HIVEP3: variants seen among roughly 807,000 people sequenced by gnomAD.
HIVEP3 encodes transcription factor HIVEP3.
HIVEP3 carries 49 observed loss-of-function variants against 152.8 expected under a neutral mutation model. The observed-to-expected ratio is 0.32, with a 90% CI of 0.26 to 0.41. HIVEP3 has a LOEUF of 0.41. HIVEP3 is among the 10% of genes least tolerant of loss of function. The pLI, the probability that HIVEP3 is intolerant of heterozygous loss-of-function variation, is 1.00. For synonymous variants in HIVEP3, 1,269 were observed against 1,289.0 expected (o/e 0.98, Z 0.33); for missense variants, 2,790 against 3,103.3 (o/e 0.90, Z 2.40).
intron 1 of HIVEP3, among the ~76,000 whole-genome samples, chr1:42,032,160 C>T (rs1025194373): frequency 6.6e-6 from 1 of 152,254 alleles, no homozygotes; most frequent in Non-Finnish European, 1.5e-5. Flanking sequence ...CCCGGCCCAA[C>T]TCCAAACAGT....
At chr1:41,739,048 C>T (rs540455327) in intron 1 of HIVEP3, among the ~76,000 whole-genome samples, 150 of 152,372 alleles carry the variant, frequency 9.8e-4, no homozygotes, top group African/African-American at 3.0e-3. Flanking sequence ...ATTCCCTCGG[C>T]CACCCACTGC....
chr1:41,765,292 T>G (rs1313606633), intron 1 of HIVEP3, among the ~76,000 whole-genome samples: 1 of 152,234 alleles, frequency 6.6e-6, no homozygotes, highest in Admixed American at 6.5e-5. Flanking sequence ...CCTTGGCCTA[T>G]GACTTTGTTC....
At chr1:41,527,275 ACACACCCTCACATACACCCT>A (rs1199073452) in intron 5 of HIVEP3, among the ~76,000 whole-genome samples, 1 of 82,778 alleles carries the variant, frequency 1.2e-5, no homozygotes, top group African/African-American at 5.3e-5. Context: ...GCTCACCCTC[ACACACCCTCACATACACCCT>A]CACACCCTCA....
At chr1:41,759,538 A>G (rs1647530336) in intron 1 of HIVEP3, among the ~76,000 whole-genome samples, 1 of 152,162 alleles carries the variant, frequency 6.6e-6, no homozygotes, top group South Asian at 2.1e-4. Context: ...TCTATTTTCA[A>G]ATCTTTGGGG....
chr1:41,527,023 TCACCCCC>T (rs1642974862), intron 5 of HIVEP3, among the ~76,000 whole-genome samples: 2 of 12,246 alleles, frequency 1.6e-4, no homozygotes, highest in East Asian at 2.4e-3. Flanking sequence ...ACCCCCACAC[TCACCCCC>T]CACCCTCACA....
chr1:41,735,452 T>C (rs897295137), intron 1 of HIVEP3, among the ~76,000 whole-genome samples: 1 of 152,242 alleles, frequency 6.6e-6, no homozygotes, highest in Admixed American at 6.5e-5. Flanking sequence ...GTGGGGAAAA[T>C]GAGCCACAAC....
rs761451723 is a variant in HIVEP3, at chr1:41,583,722, G to A, written c.1076C>T (p.Thr359Met). The A allele has an allele frequency of 8.7e-6, 14 of 1,608,160 alleles. No individual in the cohort carries two copies. The highest frequency in any genetic ancestry group is 2.2e-5 in the South Asian group (2 of 89,818). Residue 359 changes from threonine (T) to methionine (M), a missense_variant, in exon 4 of 9, where the codon ACG becomes ATG. Around this residue, in one of 9 missense-constraint regions of HIVEP3, gnomAD observed 134 missense variants for 242.5 expected, o/e 0.55. Coordinates refer to ENST00000372583, the MANE Select transcript of HIVEP3 (RefSeq NM_024503.5). The surrounding 1 kb of genome is among the most constrained non-coding windows in gnomAD (Gnocchi z 6.9). ...PLSHKPEDTH[T>M]IKQKLALRLS... ...GCGGAGGGCCAGCTTCTGCTTAATCGTGTGGGTGTCTTCAGGTTTATGGCT... is the reference window on the plus strand; with the variant it reads ...GCGGAGGGCCAGCTTCTGCTTAATCATGTGGGTGTCTTCAGGTTTATGGCT...
At chr1:41,904,392 G>A (rs916302824) in intron 1 of HIVEP3, among the ~76,000 whole-genome samples, 1 of 152,152 alleles carries the variant, frequency 6.6e-6, no homozygotes, top group Non-Finnish European at 1.5e-5. Context: ...CTGGGGGAGT[G>A]TTTAAAAGTC....
chr1:41,516,551 T>A (rs1444340440), intron 7 of HIVEP3, among the ~76,000 whole-genome samples: 1 of 152,144 alleles, frequency 6.6e-6, no homozygotes, highest in East Asian at 1.9e-4. Context: ...CTCCCCAGAA[T>A]CCCGCCGCTT....
intron 5 of HIVEP3, among the ~76,000 whole-genome samples, chr1:41,570,990 A>T (rs1460305111): frequency 6.6e-6 from 1 of 152,128 alleles, no homozygotes; most frequent in Non-Finnish European, 1.5e-5. Flanking sequence ...ATGCTTAAGG[A>T]GCACTCTCCT....
chr1:41,638,060 A>T (rs1645304520), intron 2 of HIVEP3, among the ~76,000 whole-genome samples: 1 of 152,202 alleles, frequency 6.6e-6, no homozygotes, highest in South Asian at 2.1e-4. Flanking sequence ...TGAAGTTGGG[A>T]GAGTGGGAAG....
At chr1:41,840,569 C>T (rs1318610452) in intron 1 of HIVEP3, among the ~76,000 whole-genome samples, 1 of 152,202 alleles carries the variant, frequency 6.6e-6, no homozygotes, top group Non-Finnish European at 1.5e-5. Flanking sequence ...TTTAAGCCAT[C>T]AGTTTGTGCT....
At chr1:41,969,828 C>A (rs972272107) in intron 1 of HIVEP3, among the ~76,000 whole-genome samples, 1 of 152,074 alleles carries the variant, frequency 6.6e-6, no homozygotes, top group South Asian at 2.1e-4. Context: ...GGTCTAATAT[C>A]CAGAATCTAC....
At chr1:41,890,530 ATGCTGAGGTT>A (rs1468623132) in intron 1 of HIVEP3, among the ~76,000 whole-genome samples, 1 of 152,184 alleles carries the variant, frequency 6.6e-6, no homozygotes, top group African/African-American at 2.4e-5. Flanking sequence ...TTATTGTGTG[ATGCTGAGGTT>A]TGGGAGATGA....
chr1:41,713,627 A>T (rs900880633), intron 1 of HIVEP3, among the ~76,000 whole-genome samples: 2 of 152,226 alleles, frequency 1.3e-5, no homozygotes, highest in Non-Finnish European at 2.9e-5. Flanking sequence ...ACAAGAGTCT[A>T]TTAAATTTGT....
At chr1:42,019,564 G>C (rs930656182) in intron 1 of HIVEP3, among the ~76,000 whole-genome samples, 2 of 151,464 alleles carry the variant, frequency 1.3e-5, no homozygotes, top group Admixed American at 6.6e-5. Flanking sequence ...AAGTATAATT[G>C]GTTTTTATAT....
At chr1:41,687,432 A>T (rs1646130477) in intron 2 of HIVEP3, among the ~76,000 whole-genome samples, 1 of 152,230 alleles carries the variant, frequency 6.6e-6, no homozygotes, top group African/African-American at 2.4e-5. Context: ...GATTTCTTCC[A>T]GCTTTCCACA....
rs184470807 is a variant in HIVEP3, at chr1:41,646,637, G to A, written c.-720-17690C>T. ...AGGGTGAGGCACAAGGCAAAGCTCA[G>A]ATGGAGATAAAACAGAAGAGCACGA... On this transcript the variant is annotated intron_variant, in intron 2 of 8. Transcript: ENST00000372583. Among the ~76,000 whole-genome samples, 55 of 152,338 alleles carry A rather than the reference G, an allele frequency of 3.6e-4. 1 individual carries two copies. Among genetic ancestry groups the A allele is most frequent in the African/African-American group, 1.3e-3 (54 of 41,582 alleles).
chr1:41,568,763 T>C (rs943119126), intron 5 of HIVEP3, among the ~76,000 whole-genome samples: 5 of 152,360 alleles, frequency 3.3e-5, no homozygotes, highest in Admixed American at 2.6e-4. Flanking sequence ...AGAATGTCCA[T>C]CTTGCTTAAC....
Sources: gnomAD v4.1 joint callset for allele counts (sites outside exome capture counted in the v4.1 genomes callset) on GRCh38, gnomAD v4.1.1 for gene constraint, gnomAD v4.1.1 regional missense constraint, Gnocchi (gnomAD v3.1) non-coding constraint, MANE v1.5 for transcripts, NCBI Gene and HGNC (gene_info 2026-07-23, HGNC 2026-07-21) for gene names.